The following PTPRN2 variants were observed in gnomAD, a reference collection of about 807,000 sequenced individuals.
The protein encoded by PTPRN2 is receptor-type tyrosine-protein phosphatase N2.
In PTPRN2, 74 loss-of-function variants were observed where a neutral mutation model predicts 118.8. The observed-to-expected ratio is 0.62, with a 90% CI of 0.52 to 0.76. The LOEUF is 0.76. Among genes scored for constraint, PTPRN2 ranks in the 30% least tolerant of loss-of-function variants. The pLI is 0.00. For synonymous variants in PTPRN2, 641 were observed against 608.0 expected (o/e 1.05, Z -0.80); for missense variants, 1,481 against 1,394.4 (o/e 1.06, Z -0.99).
chr7:158,441,276 G>A (rs1410242329), intron 2 of PTPRN2, among the ~76,000 whole-genome samples: 1 of 106,982 alleles, frequency 9.3e-6, no homozygotes, highest in Non-Finnish European at 2.3e-5. Context: ...GATAGTGATG[G>A]TGATGGTGGT....
intron 2 of PTPRN2, among the ~76,000 whole-genome samples, chr7:158,339,814 GTCAC>G (rs1436269728): frequency 1.1e-5 from 1 of 93,256 alleles, no homozygotes; most frequent in African/African-American, 4.0e-5. Context: ...ACCTGCAAAT[GTCAC>G]TCACACCCAC....
chr7:157,574,475 AGCACCATT>A (rs1799914653), intron 19 of PTPRN2: 1 of 509,440 alleles, frequency 2.0e-6, no homozygotes. Context: ...AGCGTTAGTG[AGCACCATT>A]GCACACAGCA....
At chr7:158,342,683 T>C (rs1460945789) in intron 2 of PTPRN2, among the ~76,000 whole-genome samples, 6 of 152,144 alleles carry the variant, frequency 3.9e-5, no homozygotes, top group Admixed American at 3.3e-4. Context: ...GCATAAACTG[T>C]CATGGTCCCC....
chr7:158,365,268 A>G (rs560603969), intron 2 of PTPRN2, among the ~76,000 whole-genome samples: 1 of 152,164 alleles, frequency 6.6e-6, no homozygotes. Context: ...GGAATTTCTC[A>G]GGGCTCCGGA....
intron 11 of PTPRN2, among the ~76,000 whole-genome samples, chr7:158,065,639 G>C (rs2128910551): frequency 6.6e-6 from 1 of 152,308 alleles, no homozygotes; most frequent in Non-Finnish European, 1.5e-5. Flanking sequence ...CCAAGGTTTT[G>C]TATTTCACAA....
At chr7:158,386,992 T>TG (rs960716986) in intron 2 of PTPRN2, among the ~76,000 whole-genome samples, 4 of 151,954 alleles carry the variant, frequency 2.6e-5, no homozygotes, top group Non-Finnish European at 5.9e-5. Context: ...GGGCTGAGGA[T>TG]GGGGGGACTG....
At chr7:158,571,480 AAAAAAC>A (rs1346854688) in intron 1 of PTPRN2, among the ~76,000 whole-genome samples, 1 of 150,554 alleles carries the variant, frequency 6.6e-6, no homozygotes, top group Admixed American at 6.6e-5. Flanking sequence ...TCCAACTCAA[AAAAAAC>A]AAAAACAAAA....
At chr7:157,683,511 C>A (rs1038545158) in intron 12 of PTPRN2, among the ~76,000 whole-genome samples, 1 of 152,198 alleles carries the variant, frequency 6.6e-6, no homozygotes, top group Non-Finnish European at 1.5e-5. Flanking sequence ...GAGCGCTGGT[C>A]GAATCCCACC....
intron 2 of PTPRN2, among the ~76,000 whole-genome samples, chr7:158,443,337 C>T (rs550143995): frequency 2.6e-4 from 40 of 152,322 alleles, no homozygotes; most frequent in African/African-American, 6.7e-4. Flanking sequence ...CCTGAGTTGC[C>T]GGAAATCCAA....
chr7:158,471,415 C>T (rs945843837), intron 2 of PTPRN2, among the ~76,000 whole-genome samples: 2 of 152,190 alleles, frequency 1.3e-5, no homozygotes, highest in African/African-American at 2.4e-5. Flanking sequence ...AATGGCTGGG[C>T]GCAGTGGCTC....
At chr7:158,405,517 A>G (rs906882212) in intron 2 of PTPRN2, among the ~76,000 whole-genome samples, 2 of 152,190 alleles carry the variant, frequency 1.3e-5, no homozygotes, top group African/African-American at 4.8e-5. Context: ...TCTCCTCCAC[A>G]CTGGAAGGGA....
At chr7:158,227,140 G>A (rs1828848118) in intron 3 of PTPRN2, among the ~76,000 whole-genome samples, 1 of 152,162 alleles carries the variant, frequency 6.6e-6, no homozygotes, top group African/African-American at 2.4e-5. Context: ...TTGGGAGAAG[G>A]TGTGAGAAAA....
intron 2 of PTPRN2, among the ~76,000 whole-genome samples, chr7:158,328,254 A>G (rs1803815333): frequency 6.6e-6 from 1 of 152,214 alleles, no homozygotes; most frequent in South Asian, 2.1e-4. Flanking sequence ...AGGCCCAAGG[A>G]AGCAGGCACT....
At chr7:157,745,928 T>TACACA (rs1181742770) in intron 12 of PTPRN2, among the ~76,000 whole-genome samples, 1 of 151,942 alleles carries the variant, frequency 6.6e-6, no homozygotes, top group Non-Finnish European at 1.5e-5. Context: ...CACACCATAG[T>TACACA]CCATACAGGG....
intron 11 of PTPRN2, among the ~76,000 whole-genome samples, chr7:158,013,745 G>C (rs192824215): frequency 3.0e-3 from 200 of 66,010 alleles, no homozygotes; most frequent in Admixed American, 3.7e-3. Flanking sequence ...CCACCCACCC[G>C]CCCATCCATC....
intron 3 of PTPRN2, among the ~76,000 whole-genome samples, chr7:158,206,946 T>C (rs1827201591): frequency 1.5e-5 from 2 of 133,824 alleles, no homozygotes; most frequent in South Asian, 5.6e-4. Flanking sequence ...CTCCCAATGC[T>C]ATCCCTCCCC....
Position 157,989,184 on chromosome 7 carries a change from G to A in PTPRN2, c.1724-90447C>T, listed in dbSNP as rs565663599. Among the ~76,000 whole-genome samples, 19 of 152,322 alleles carry A rather than the reference G, an allele frequency of 1.2e-4. No homozygotes were observed. The East Asian group carries it at 3.3e-3, about 26-fold the overall frequency. Reference sequence around the variant, plus strand: ...TGTAATCCCAGCACTTTGGGAGGCTGAGGCAGGCAGATCACTTAAGCCCAG... The same window carrying A: ...TGTAATCCCAGCACTTTGGGAGGCTAAGGCAGGCAGATCACTTAAGCCCAG... On this transcript the variant is annotated intron_variant, in intron 11 of 22. Coordinates refer to ENST00000389418, the MANE Select transcript of PTPRN2 (RefSeq NM_002847.5).
intron 2 of PTPRN2, among the ~76,000 whole-genome samples, chr7:158,368,647 C>T (rs1305988611): frequency 1.3e-5 from 2 of 152,186 alleles, no homozygotes; most frequent in Admixed American, 1.3e-4. Flanking sequence ...GTCCAAGGAC[C>T]AAGGCACAGA....
chr7:158,320,053 AGTCT>A, intron 2 of PTPRN2, among the ~76,000 whole-genome samples: 1 of 64,254 alleles, frequency 1.6e-5, no homozygotes, highest in Admixed American at 1.5e-4. Flanking sequence ...ACACACTCAC[AGTCT>A]CCCTCACACA....
Sources: allele counts gnomAD v4.1 joint callset (sites outside exome capture counted in the v4.1 genomes callset), GRCh38; gene constraint gnomAD v4.1.1; transcripts MANE v1.5; gene names NCBI Gene and HGNC (gene_info 2026-07-23, HGNC 2026-07-21).